CPXCR1: variants seen among roughly 807,000 people sequenced by gnomAD.
CPXCR1 encodes CPX chromosome region candidate 1, also known as CPX chromosomal region candidate gene 1 protein.
Under a neutral mutation model 13.8 loss-of-function variants are expected in CPXCR1, and 15 were observed. The ratio of observed to expected loss-of-function variants is 1.09; its 90% CI spans 0.73 to 1.67. The LOEUF (loss-of-function observed/expected upper bound fraction) is 1.67. Among genes scored for constraint, CPXCR1 ranks in the 40% most tolerant of loss-of-function variants. The pLI, the probability that CPXCR1 is intolerant of heterozygous loss-of-function variation, is 0.00. For synonymous variants in CPXCR1, 70 were observed against 76.7 expected, an observed-to-expected ratio of 0.91 and a Z score of 0.46; for missense variants, 247 against 223.6, an observed-to-expected ratio of 1.10 and a Z score of -0.67.
chrX:88,750,337 T>G (rs12841434), intron 2 of CPXCR1, among the ~76,000 whole-genome samples: 5 of 111,607 alleles, frequency 4.5e-5, no homozygotes, highest in Non-Finnish European at 9.4e-5. Flanking sequence ...TAATCATGTG[T>G]TTTTTGTCAT....
chrX:88,748,795 T>TTG (rs748485686), intron 1 of CPXCR1, among the ~76,000 whole-genome samples: 1,818 of 99,627 alleles, frequency 0.018, 14 homozygotes, highest in African/African-American at 0.027. Flanking sequence ...GATATTTCTT[T>TTG]TGTGTGTGTG....
At chrX:88,748,928 T>A (rs191821329) in intron 1 of CPXCR1, among the ~76,000 whole-genome samples, 109 of 109,018 alleles carry the variant, frequency 1.0e-3, no homozygotes, top group African/African-American at 3.1e-3. Context: ...TCTTTTTTTT[T>A]AAATTTTATT....
At chrX:88,752,746 C>CAGGTT (rs1924958314) in intron 2 of CPXCR1, among the ~76,000 whole-genome samples, 1 of 110,171 alleles carries the variant, frequency 9.1e-6, no homozygotes, top group African/African-American at 3.3e-5. Context: ...AGGGTTTCAC[C>CAGGTT]AGGTTGGTCA....
At chrX:88,749,765 G>C (rs914067972) in intron 2 of CPXCR1, among the ~76,000 whole-genome samples, 1 of 109,472 alleles carries the variant, frequency 9.1e-6, no homozygotes. Flanking sequence ...GTATCACATA[G>C]TAACAGAAGC....
chrX:88,754,478 A>G lies in CPXCR1; in HGVS notation c.*158A>G. 1 of 387,169 alleles carries G rather than the reference A, an allele frequency of 2.6e-6. No individual in the cohort carries two copies. Among genetic ancestry groups the G allele is most frequent in the Non-Finnish European group, 4.5e-6 (1 of 220,831 alleles). 31.9% of individuals were successfully genotyped at this position (387,169 alleles called of 1,213,427 possible). ...TAGTACCTCTCAGTAAGAAATACCT[A>G]TGGGGAGTGAGGAAACATCTGTTTA... On this transcript the variant is annotated 3_prime_UTR_variant, in exon 3 of 3. Transcript: ENST00000276127.
chrX:88,754,624 T>C lies in CPXCR1; in HGVS notation c.*304T>C. The C allele has an allele frequency of 5.6e-6, 1 of 180,096 alleles. No homozygotes were observed. The highest frequency in any genetic ancestry group is 1.1e-5 in the Non-Finnish European group (1 of 89,657). 14.8% of individuals were successfully genotyped at this position (180,096 alleles called of 1,213,427 possible). A position where few individuals can be genotyped will look rare whatever the true frequency, so the allele number is the denominator to read the frequency against. ...TCTATTTCTGTAGATGTAAATATTG[T>C]TAACATAAAAGAATCCAAGTTAACA... On this transcript the variant is annotated 3_prime_UTR_variant, in exon 3 of 3. Coordinates refer to ENST00000276127, the MANE Select transcript of CPXCR1 (RefSeq NM_033048.6).
chrX:88,750,793 T>C (rs7879015), intron 2 of CPXCR1, among the ~76,000 whole-genome samples: 4,170 of 111,563 alleles, frequency 0.037, 203 homozygotes, highest in African/African-American at 0.13. Context: ...CTTCCTGGTT[T>C]AGACTTGGGA....
chrX:88,750,200 G>A (rs1052735189), intron 2 of CPXCR1, among the ~76,000 whole-genome samples: 18 of 111,276 alleles, frequency 1.6e-4, no homozygotes, highest in African/African-American at 5.9e-4. Context: ...TATTATATTG[G>A]CTGTGGGTTT....
chrX:88,751,413 T>C (rs1027810210), intron 2 of CPXCR1, among the ~76,000 whole-genome samples: 3 of 112,348 alleles, frequency 2.7e-5, no homozygotes, highest in Non-Finnish European at 3.7e-5. Context: ...CTAATTTGAT[T>C]GCACTGTGGT....
intron 1 of CPXCR1, 25 bp from the exon 2 acceptor site, chrX:88,749,293 T>A (rs1288106045): frequency 9.1e-6 from 1 of 109,935 alleles, no homozygotes; most frequent in Non-Finnish European, 1.9e-5. Flanking sequence ...CTTTCTTTTA[T>A]GAAAATATCT....
Position 88,754,509 on chromosome X carries a change from T to C in CPXCR1, c.*189T>C, listed in dbSNP as rs941493165. On this transcript the variant is annotated 3_prime_UTR_variant, in exon 3 of 3. Transcript: ENST00000276127. ...AGTGAGGAAACATCTGTTTATACTT[T>C]GCTTTTACAAGTACATCATTGAAAT... is the stretch of plus-strand genomic sequence containing the variant. The C allele has an allele frequency of 8.8e-6, 3 of 342,569 alleles. No individual in the cohort carries two copies. Among genetic ancestry groups the C allele is most frequent in the Admixed American group, 5.3e-5 (1 of 18,880 alleles). The allele number at this position is 342,569 out of a possible 1,213,427, so 28.2% of individuals were successfully genotyped here.
At chrX:88,749,705 C>T (rs916936023) in intron 2 of CPXCR1, among the ~76,000 whole-genome samples, 1 of 108,385 alleles carries the variant, frequency 9.2e-6, no homozygotes, top group Admixed American at 1.0e-4. Context: ...TTACAATGCA[C>T]GTACAAAAAA....
Position 88,750,185 on chromosome X carries a change from T to G in CPXCR1, c.-9+762T>G, listed in dbSNP as rs759693529. ...AGGGAATGCTTTCAGTTTTTGCCCA[T>G]TCAGTATTATATTGGCTGTGGGTTT... is the stretch of plus-strand genomic sequence containing the variant. On this transcript the variant is annotated intron_variant, in intron 2 of 2. Coordinates refer to ENST00000276127, the MANE Select transcript of CPXCR1 (RefSeq NM_033048.6). 2.7e-5 allele frequency among the ~76,000 whole-genome samples: 3 copies of G among 111,481 alleles called. No individual in the cohort carries two copies. The Admixed American group carries it at 2.9e-4, about 11-fold the overall frequency.
intron 2 of CPXCR1, among the ~76,000 whole-genome samples, chrX:88,752,391 A>G (rs1924943698): frequency 9.0e-6 from 1 of 111,347 alleles, no homozygotes; most frequent in Non-Finnish European, 1.9e-5. Flanking sequence ...AATTTGGAAG[A>G]CATTTTAATA....
chrX:88,752,305 A>C (rs1056023447), intron 2 of CPXCR1, among the ~76,000 whole-genome samples: 1 of 111,178 alleles, frequency 9.0e-6, no homozygotes, highest in Admixed American at 9.6e-5. Flanking sequence ...ATCTGCCACT[A>C]TAAGTAGTAA....
chrX:88,754,131 G>A lies in CPXCR1; in HGVS notation c.717G>A (p.Val239=). The change falls in exon 3 of 3, where the codon GTG becomes GTA. Residue 239 remains valine, a synonymous_variant. Coordinates refer to ENST00000276127, the MANE Select transcript of CPXCR1 (RefSeq NM_033048.6). ...CTATTGTGAGGTCTGTGCTCTTTGT[G>A]TCACAGATACAAATTGAAAGTATTT... ...FRAIVRSVLF[V]SQIQIESIFN... is the part of the protein sequence containing the mutation. The A allele has an allele frequency of 8.3e-7, 1 of 1,199,340 alleles. No homozygotes were observed. Among genetic ancestry groups the A allele is most frequent in the Non-Finnish European group, 1.1e-6 (1 of 885,754 alleles).
chrX:88,750,947 A>G (rs1924900456), intron 2 of CPXCR1, among the ~76,000 whole-genome samples: 1 of 111,052 alleles, frequency 9.0e-6, no homozygotes, highest in African/African-American at 3.3e-5. Flanking sequence ...TATTGCATCT[A>G]TTGGATTCTT....
chrX:88,753,192 T>G (rs773499121), intron 2 of CPXCR1, among the ~76,000 whole-genome samples: 29 of 111,539 alleles, frequency 2.6e-4, no homozygotes, highest in African/African-American at 9.4e-4. Context: ...ATTCCATAAT[T>G]AAGTTATGAG....
rs372590223 is a variant in CPXCR1, at chrX:88,754,010, C to T, written c.596C>T (p.Pro199Leu). Residue 199 changes from proline to leucine, a missense_variant, in exon 3 of 3, where the codon CCT becomes CTT. Physicochemically the swap from Pro to Leu is moderately conservative, Grantham distance 98. Coordinates refer to ENST00000276127, the MANE Select transcript of CPXCR1 (RefSeq NM_033048.6). ...GAGAGAGCCATAACATTTAGAAGGC[C>T]TTCGAGGGTGCACTACTACCGTCCC... ...HHERAITFRR[P>L]SRVHYYRPLT... The T allele has an allele frequency of 8.3e-7, 1 of 1,210,514 alleles. No homozygotes were observed. The highest frequency in any genetic ancestry group is 1.7e-5 in the African/African-American group (1 of 57,594).
Sources: allele counts gnomAD v4.1 joint callset (sites outside exome capture counted in the v4.1 genomes callset), GRCh38; gene constraint gnomAD v4.1.1; transcripts MANE v1.5; gene names NCBI Gene and HGNC (gene_info 2026-07-23, HGNC 2026-07-21).